C14orf132: variants seen among roughly 807,000 people sequenced by gnomAD.
C14orf132 encodes chromosome 14 open reading frame 132, also known as uncharacterized protein C14orf132.
In C14orf132, 6 loss-of-function variants were observed where a neutral mutation model predicts 5.8. The ratio of observed to expected loss-of-function variants is 1.03; its 90% confidence interval spans 0.57 to 2.04. C14orf132 has a LOEUF of 2.04. Ranked by LOEUF, C14orf132 falls within the 30% of genes most tolerant of loss-of-function variation. The pLI, the probability that C14orf132 is intolerant of heterozygous loss-of-function variation, is 0.00. For synonymous variants in C14orf132, 51 were observed against 49.8 expected (o/e 1.02, Z -0.10); for missense variants, 125 against 115.8 (o/e 1.08, Z -0.37).
chr14:96,071,943 T>A (rs149751294), intron 1 of C14orf132, among the ~76,000 whole-genome samples: 1 of 152,196 alleles, frequency 6.6e-6, no homozygotes, highest in Non-Finnish European at 1.5e-5. Context: ...GGGAGAGCCA[T>A]GTGAATGTGG....
At chr14:96,052,592 G>T (rs1055136054) in intron 1 of C14orf132, among the ~76,000 whole-genome samples, 1 of 152,226 alleles carries the variant, frequency 6.6e-6, no homozygotes, top group Non-Finnish European at 1.5e-5. Context: ...GCACAAGAAA[G>T]AAACTGGACA....
At chr14:96,057,533 C>T (rs890196369) in intron 1 of C14orf132, among the ~76,000 whole-genome samples, 1 of 152,196 alleles carries the variant, frequency 6.6e-6, no homozygotes, top group African/African-American at 2.4e-5. Context: ...AGGATTAGAC[C>T]TCAGGGCATC....
chr14:96,049,653 T>TATATATAGAGAG (rs371381526), intron 1 of C14orf132, among the ~76,000 whole-genome samples: 1 of 82,280 alleles, frequency 1.2e-5, no homozygotes, highest in African/African-American at 4.6e-5. Flanking sequence ...TATATATATA[T>TATATATAGAGAG]AGAGAGAGAG....
At chr14:96,043,553 C>T (rs1164261638) in intron 1 of C14orf132, among the ~76,000 whole-genome samples, 2 of 152,152 alleles carry the variant, frequency 1.3e-5, no homozygotes, top group Non-Finnish European at 2.9e-5. Flanking sequence ...CACCTGGGAG[C>T]TTTCAAGAGT....
rs1361323796 is a variant in C14orf132 at position 96,049,571 on chromosome 14, C to T, written c.27+10044C>T. Among the ~76,000 whole-genome samples, 60 of 111,042 alleles carry T rather than the reference C, an allele frequency of 5.4e-4. 2 individuals carry two copies. The highest frequency in any genetic ancestry group is 1.7e-3 in the African/African-American group (54 of 32,378). The allele number at this position is 111,042 out of a possible 152,430, so 72.8% of individuals were successfully genotyped here. A position where few individuals can be genotyped will look rare whatever the true frequency, so the allele number is the denominator to read the frequency against. ...ATATATACATATATACGTATATATACATATATACGTATATATATACATATA... is the reference window on the plus strand; with the variant it reads ...ATATATACATATATACGTATATATATATATATACGTATATATATACATATA... On this transcript the variant is annotated intron_variant, in intron 1 of 1. Coordinates refer to ENST00000555004, the MANE Select transcript of C14orf132 (RefSeq NM_001252507.3).
chr14:96,070,451 A>T lies in C14orf132; in HGVS notation c.28-16060A>T, dbSNP rs561204252. ...TTCTCTCCTTGAGGAAGCCCATGGC[A>T]GATAAAACTGGAGCCAGGTTTGTAG... is the stretch of plus-strand genomic sequence containing the variant. On this transcript the variant is annotated intron_variant, in intron 1 of 1. Coordinates refer to ENST00000555004, the MANE Select transcript of C14orf132 (RefSeq NM_001252507.3). 2.6e-5 allele frequency among the ~76,000 whole-genome samples: 4 copies of T among 152,252 alleles called. No individual in the cohort carries two copies. In the East Asian group the frequency reaches 7.7e-4, roughly 29 times the overall value.
intron 1 of C14orf132, among the ~76,000 whole-genome samples, chr14:96,061,892 G>T (rs1234406088): frequency 6.6e-6 from 1 of 152,148 alleles, no homozygotes; most frequent in Non-Finnish European, 1.5e-5. Flanking sequence ...CTGGGTGGCA[G>T]AGTAAGACCC....
At chr14:96,055,473 G>T (rs192023295) in intron 1 of C14orf132, among the ~76,000 whole-genome samples, 28 of 152,176 alleles carry the variant, frequency 1.8e-4, no homozygotes, top group Non-Finnish European at 3.2e-4. Flanking sequence ...TATTCAAAAG[G>T]CACACAGAAC....
chr14:96,046,381 G>A lies in C14orf132; in HGVS notation c.27+6854G>A, dbSNP rs145972160. 7.0e-3 allele frequency among the ~76,000 whole-genome samples: 1,059 copies of A among 152,254 alleles called. 19 individuals are homozygous for A. Among genetic ancestry groups the A allele is most frequent in the African/African-American group, 0.024 (1,000 of 41,556 alleles). Reference sequence around the variant, plus strand: ...GTGTATTATCTCTAGACTAAACAAGGGTGTGTAGAGCTTGGCAAAACCTTA... The same window carrying A: ...GTGTATTATCTCTAGACTAAACAAGAGTGTGTAGAGCTTGGCAAAACCTTA... On this transcript the variant is annotated intron_variant, in intron 1 of 1. Coordinates refer to ENST00000555004, the MANE Select transcript of C14orf132 (RefSeq NM_001252507.3).
intron 1 of C14orf132, among the ~76,000 whole-genome samples, chr14:96,045,716 GT>G (rs1328363697): frequency 1.3e-5 from 2 of 152,232 alleles, no homozygotes; most frequent in Non-Finnish European, 2.9e-5. Flanking sequence ...ACAATTAAAT[GT>G]TAGAAATTTT....
rs749600595 is a variant in C14orf132, at chr14:96,086,652, G to A, written c.169G>A (p.Asp57Asn). Residue 57 changes from aspartate (D) to asparagine (N), a missense_variant, in exon 2 of 2, where the codon GAC becomes AAC. Transcript: ENST00000555004. ...QPEDPPRSSNDAVLLWIAIIA... is the reference protein window; with the variant it reads ...QPEDPPRSSNNAVLLWIAIIA... ...GGAAGATCCTCCTCGGTCCTCCAAC[G>A]ACGCCGTCTTGCTATGGATTGCCAT... 32 of 1,536,022 alleles carry A rather than the reference G, an allele frequency of 2.1e-5. No homozygotes were observed. The highest frequency in any genetic ancestry group is 4.8e-5 in the South Asian group (4 of 84,064).
At chr14:96,055,565 T>A (rs986328717) in intron 1 of C14orf132, among the ~76,000 whole-genome samples, 40 of 152,184 alleles carry the variant, frequency 2.6e-4, no homozygotes, top group African/African-American at 9.4e-4. Flanking sequence ...TGGGCCTGCA[T>A]CTCAGCTTGG....
In C14orf132 at chr14:96,089,931, G is replaced by T. The variant is rs3742480; in HGVS notation, c.*3196G>T. The T allele has an allele frequency of 0.2, 30,761 of 152,124 alleles. 3,546 individuals carry two copies. Among genetic ancestry groups the T allele is most frequent in the Non-Finnish European group, 0.26 (17,565 of 68,030 alleles). The allele number at this position is 152,124 out of a possible 1,614,324, so 9.4% of individuals were successfully genotyped here. On this transcript the variant is annotated 3_prime_UTR_variant, in exon 2 of 2. Transcript: ENST00000555004. ...CCAGGCTCCCCAGGACAGGGGAGAGGGATCGTCCTCATTCAGACTCTAGCT... is the reference window on the plus strand; with the variant it reads ...CCAGGCTCCCCAGGACAGGGGAGAGTGATCGTCCTCATTCAGACTCTAGCT...
At chr14:96,082,195 G>A (rs1888050167) in intron 1 of C14orf132, among the ~76,000 whole-genome samples, 1 of 152,186 alleles carries the variant, frequency 6.6e-6, no homozygotes, top group African/African-American at 2.4e-5. Flanking sequence ...CTTGCCCACT[G>A]GCGTGAGAAA....
intron 1 of C14orf132, among the ~76,000 whole-genome samples, chr14:96,057,302 G>A (rs1344028231): frequency 5.3e-5 from 8 of 152,210 alleles, no homozygotes; most frequent in Admixed American, 5.2e-4. Flanking sequence ...TCCAGAGGGT[G>A]CAGCAGCAAG....
chr14:96,075,264 A>T (rs1887829171), intron 1 of C14orf132, among the ~76,000 whole-genome samples: 1 of 152,182 alleles, frequency 6.6e-6, no homozygotes, highest in Admixed American at 6.5e-5. Flanking sequence ...GTGTTCTATG[A>T]CCTTTCAAAA....
chr14:96,069,256 CATATATATATATATATATATATATAT>C (rs55648129), intron 1 of C14orf132, among the ~76,000 whole-genome samples: 13,744 of 95,240 alleles, frequency 0.14, 1,374 homozygotes, highest in Admixed American at 0.3. Flanking sequence ...TGTTTATGTT[CATATATATATATATATATATATATAT>C]ATATATATAT....
chr14:96,058,239 G>A (rs578142380), intron 1 of C14orf132, among the ~76,000 whole-genome samples: 10 of 152,104 alleles, frequency 6.6e-5, no homozygotes, highest in African/African-American at 1.2e-4. Flanking sequence ...ACCTCTGTCT[G>A]TGTCCAACTT....
chr14:96,059,827 C>G (rs548835408), intron 1 of C14orf132, among the ~76,000 whole-genome samples: 2 of 152,210 alleles, frequency 1.3e-5, no homozygotes, highest in Admixed American at 1.3e-4. Context: ...GGAGCTTTCT[C>G]CTGCTGAGGG....
Sources: allele counts gnomAD v4.1 joint callset (sites outside exome capture counted in the v4.1 genomes callset), GRCh38; gene constraint gnomAD v4.1.1; transcripts MANE v1.5; gene names NCBI Gene and HGNC (gene_info 2026-07-23, HGNC 2026-07-21).